The following TOM1 variants were observed in gnomAD, a reference collection of about 807,000 sequenced individuals.
TOM1 encodes target of Myb protein 1.
A neutral mutation model predicts 61.3 loss-of-function variants in TOM1; 38 were observed. The observed-to-expected ratio is 0.62, with a 90% CI of 0.48 to 0.81. The LOEUF is 0.81. Among genes scored for constraint, TOM1 ranks in the 40% least tolerant of loss-of-function variants. The probability of loss-of-function intolerance (pLI) is 0.00; values close to 1 mark genes in which losing one functional copy is unlikely to be tolerated. For synonymous variants in TOM1, 270 were observed against 268.8 expected (o/e 1.00, Z -0.04); for missense variants, 591 against 659.6 (o/e 0.90, Z 1.14).
chr22:35,299,881 G>T (rs576110046), upstream of TOM1: 14 of 1,560,500 alleles, frequency 9.0e-6, no homozygotes, highest in South Asian at 1.1e-4. Flanking sequence ...GGCGCTGGCG[G>T]TTGCTGTCAG....
intron 2 of TOM1, among the ~76,000 whole-genome samples, chr22:35,320,362 T>C (rs1927661305): frequency 1.3e-5 from 2 of 152,098 alleles, no homozygotes; most frequent in African/African-American, 4.8e-5. Context: ...TATACCTGTA[T>C]AGGGCCGAGG....
rs747023539 is a variant in TOM1 at position 35,345,760 on chromosome 22, C to T, written c.1260C>T (p.Ile420=). The T allele has an allele frequency of 8.1e-6, 13 of 1,614,014 alleles. No individual in the cohort carries two copies. The East Asian group carries it at 8.9e-5, about 11-fold the overall frequency. The change falls in exon 13 of 15, where the codon ATC becomes ATT. Residue 420 remains isoleucine (I), a synonymous_variant. Coordinates refer to ENST00000449058, the MANE Select transcript of TOM1 (RefSeq NM_005488.3). ...PVTQACLMED[I]EQWLSTDVGN... Reference sequence around the variant, plus strand: ...CCCAGGCCTGCCTCATGGAGGACATCGAGCAGTGGCTGTCCACTGACGTGG... The same window carrying T: ...CCCAGGCCTGCCTCATGGAGGACATTGAGCAGTGGCTGTCCACTGACGTGG...
At chr22:35,321,926 T>C (rs1220976513) in intron 2 of TOM1, 33 bp from the exon 3 acceptor site, 1 of 1,589,570 alleles carries the variant, frequency 6.3e-7, no homozygotes, top group Admixed American at 1.7e-5. Context: ...GGGGCTCTAT[T>C]CCTAAGCCCA....
intron 2 of TOM1, 92 bp from the exon 3 acceptor site, chr22:35,321,867 G>A: frequency 1.9e-6 from 2 of 1,062,676 alleles, no homozygotes; most frequent in East Asian, 4.7e-5. Flanking sequence ...AGGGAGGATG[G>A]GCCAATAAGA....
Position 35,323,140 on chromosome 22 carries a change from C to A in TOM1, c.329C>A (p.Pro110His). ...ACCATCCTGCCCAAGAACAACCCAC[C>A]CACCATCGTGCATGACAAAGTGCTC... ...VRTILPKNNP[P>H]TIVHDKVLNL... Residue 110 changes from proline (P) to histidine (H), a missense_variant, in exon 4 of 15, where the codon CCC (proline) becomes CAC (histidine). Pro to His is a moderately conservative substitution (Grantham distance 77). Coordinates refer to ENST00000449058, the MANE Select transcript of TOM1 (RefSeq NM_005488.3). The surrounding 1 kb of genome is among the most constrained non-coding windows in gnomAD (Gnocchi z 4.2). 6.2e-7 allele frequency: 1 copy of A among 1,614,092 alleles called. No homozygotes were observed. The highest frequency in any genetic ancestry group is 1.1e-5 in the South Asian group (1 of 91,082).
intron 1 of TOM1, among the ~76,000 whole-genome samples, chr22:35,307,935 T>G (rs1005024395): frequency 1.3e-5 from 2 of 152,232 alleles, no homozygotes; most frequent in Non-Finnish European, 2.9e-5. Context: ...TGTGAACGTA[T>G]GCCTTAGATG....
At chr22:35,324,323 G>A (rs1289913977) in intron 6 of TOM1, among the ~76,000 whole-genome samples, 1 of 148,876 alleles carries the variant, frequency 6.7e-6, no homozygotes, top group Non-Finnish European at 1.5e-5. Flanking sequence ...ACGTGCGTCT[G>A]TGATCTTAGC....
chr22:35,319,305 C>T lies in TOM1; in HGVS notation c.137+1344C>T, dbSNP rs557417701. Among the ~76,000 whole-genome samples, 4 of 152,284 alleles carry T rather than the reference C, an allele frequency of 2.6e-5. No individual in the cohort carries two copies. The South Asian group carries it at 8.3e-4, about 32-fold the overall frequency. On this transcript the variant is annotated intron_variant, in intron 2 of 14. Coordinates refer to ENST00000449058, the MANE Select transcript of TOM1 (RefSeq NM_005488.3). ...TCAGGTGCATTGCTATTTATTTGAG[C>T]ACTTTGTGTGTTCCAGGCAACACAG...
Position 35,313,071 on chromosome 22 carries a change from G to A in TOM1, c.53-4806G>A, listed in dbSNP as rs538902276. 3.4e-4 allele frequency among the ~76,000 whole-genome samples: 52 copies of A among 152,200 alleles called. 1 individual carries two copies. In the South Asian group the frequency reaches 0.011, roughly 31 times the overall value. On this transcript the variant is annotated intron_variant, in intron 1 of 14. Coordinates refer to ENST00000449058, the MANE Select transcript of TOM1 (RefSeq NM_005488.3). ...AGGGGTGATACTGGCCGGACACAGT[G>A]GGCAGTGGCTCACACCTGTAATCCC...
chr22:35,329,508 T>C (rs1433064254), intron 7 of TOM1, among the ~76,000 whole-genome samples: 3 of 152,264 alleles, frequency 2.0e-5, no homozygotes, highest in African/African-American at 4.8e-5. Context: ...CTTGTGGTAC[T>C]ATCTTTGCAT....
chr22:35,325,098 T>C (rs73402487), intron 6 of TOM1, among the ~76,000 whole-genome samples: 5,769 of 152,120 alleles, frequency 0.038, 358 homozygotes, highest in African/African-American at 0.13. Flanking sequence ...GCTGCTGGGG[T>C]GGGGGCAGAG....
At chr22:35,322,167 G>T (rs754853608) in intron 3 of TOM1, 130 bp downstream of exon 3, 2 of 771,266 alleles carry the variant, frequency 2.6e-6, no homozygotes, top group East Asian at 2.6e-5. Context: ...TGTAGGCAAC[G>T]CACTGTCCTG....
chr22:35,332,633 A>G (rs1293639848), intron 8 of TOM1, among the ~76,000 whole-genome samples: 3 of 152,058 alleles, frequency 2.0e-5, no homozygotes, highest in Admixed American at 6.6e-5. Flanking sequence ...TGTAATTGAA[A>G]CAAGTTTCAT....
chr22:35,322,942 GAC>G (rs1927933200), intron 3 of TOM1, 84 bp from the exon 4 acceptor site: 1 of 1,520,958 alleles, frequency 6.6e-7, no homozygotes, highest in East Asian at 2.3e-5. Flanking sequence ...TCCTCTCTGG[GAC>G]ACAGGAGGAG....
At chr22:35,343,730 A>C in intron 12 of TOM1, among the ~76,000 whole-genome samples, 1 of 88,818 alleles carries the variant, frequency 1.1e-5, no homozygotes. Context: ...ACACATCTAC[A>C]CCCACCACAC....
At position 35,335,539 on chromosome 22, in the gene TOM1, G is replaced by A. The variant is rs1423806290; in HGVS notation, c.1148+1091G>A. 3.3e-5 allele frequency: 5 copies of A among 152,854 alleles called. No homozygotes were observed. The East Asian group carries it at 9.7e-4, about 30-fold the overall frequency. The allele number at this position is 152,854 out of a possible 1,614,324, so 9.5% of individuals were successfully genotyped here. ...AAAGGCAAGCTAATGAGTGTGATGGGACTTGCAGCCAGACACGCCCATCCA... is the reference window on the plus strand; with the variant it reads ...AAAGGCAAGCTAATGAGTGTGATGGAACTTGCAGCCAGACACGCCCATCCA... On this transcript the variant is annotated intron_variant, in intron 11 of 14. Coordinates refer to ENST00000449058, the MANE Select transcript of TOM1 (RefSeq NM_005488.3).
At chr22:35,339,480 C>T (rs1929680611) in intron 12 of TOM1, among the ~76,000 whole-genome samples, 1 of 152,174 alleles carries the variant, frequency 6.6e-6, no homozygotes, top group Non-Finnish European at 1.5e-5. Context: ...AGCACCTATA[C>T]TTGTTTATAA....
chr22:35,343,784 C>CA (rs1930239007), intron 12 of TOM1, among the ~76,000 whole-genome samples: 1 of 130,114 alleles, frequency 7.7e-6, no homozygotes, highest in Non-Finnish European at 1.7e-5. Context: ...CCTACACACA[C>CA]CACACACCTA....
chr22:35,318,045 T>C, intron 2 of TOM1, 84 bp downstream of exon 2: 1 of 1,248,166 alleles, frequency 8.0e-7, no homozygotes, highest in South Asian at 1.2e-5. Flanking sequence ...AGGGAGCCCC[T>C]GCCCCAGCCC....
Sources: allele counts gnomAD v4.1 joint callset (sites outside exome capture counted in the v4.1 genomes callset), GRCh38; gene constraint gnomAD v4.1.1; non-coding constraint Gnocchi (gnomAD v3.1); transcripts MANE v1.5; gene names NCBI Gene and HGNC (gene_info 2026-07-23, HGNC 2026-07-21).